ANKS1B: variants seen among roughly 807,000 people sequenced by gnomAD.
The protein encoded by ANKS1B is ankyrin repeat and sterile alpha motif domain-containing protein 1B.
A neutral mutation model predicts 148.3 loss-of-function variants in ANKS1B; 36 were observed. That is an observed-to-expected ratio of 0.24 (90% CI 0.19 to 0.32). The LOEUF is 0.32. Among genes scored for constraint, ANKS1B ranks in the 10% least tolerant of loss-of-function variants. ANKS1B has a pLI of 1.00. For synonymous variants in ANKS1B, 542 were observed against 560.8 expected (o/e 0.97, Z 0.47); for missense variants, 1,157 against 1,542.6 (o/e 0.75, Z 4.19).
intron 25 of ANKS1B, among the ~76,000 whole-genome samples, chr12:98,772,380 C>T (rs936485819): frequency 1.3e-5 from 2 of 152,240 alleles, no homozygotes; most frequent in East Asian, 1.9e-4. Flanking sequence ...ACAGCAAGTA[C>T]GCAGCTGTAT....
intron 14 of ANKS1B, among the ~76,000 whole-genome samples, chr12:99,218,370 C>T (rs922123798): frequency 3.3e-5 from 5 of 152,084 alleles, no homozygotes; most frequent in Admixed American, 6.5e-5. Flanking sequence ...TATCTGATTA[C>T]GAATTCATAG....
chr12:98,872,531 C>A lies in ANKS1B; in HGVS notation c.2779-40395G>T, dbSNP rs138115982. 2.2e-3 allele frequency among the ~76,000 whole-genome samples: 340 copies of A among 152,034 alleles called. 2 individuals are homozygous for A. The highest frequency in any genetic ancestry group is 7.7e-3 in the African/African-American group (318 of 41,456). ...TCCAGTCTGGGTAACAGAGCTAGAA[C>A]CTATCTCAAAAAAATAAAAAAGAGA... On this transcript the variant is annotated intron_variant, in intron 17 of 26. Coordinates refer to ENST00000683438, the MANE Select transcript of ANKS1B (RefSeq NM_001352186.2).
At chr12:98,995,705 A>G (rs1262440379) in intron 17 of ANKS1B, among the ~76,000 whole-genome samples, 1 of 152,214 alleles carries the variant, frequency 6.6e-6, no homozygotes, top group Non-Finnish European at 1.5e-5. Context: ...ATTGGACTTC[A>G]TGGAATGAAA....
intron 1 of ANKS1B, among the ~76,000 whole-genome samples, chr12:99,871,230 C>A (rs974492947): frequency 6.6e-6 from 1 of 152,046 alleles, no homozygotes; most frequent in African/African-American, 2.4e-5. Flanking sequence ...AGGTGTGTGG[C>A]TTCATTTCTG....
chr12:99,721,195 GC>G (rs1163894763), intron 8 of ANKS1B, among the ~76,000 whole-genome samples: 4 of 151,822 alleles, frequency 2.6e-5, no homozygotes, highest in Non-Finnish European at 5.9e-5. Context: ...TTCCCACGCC[GC>G]CCCTAATCCC....
chr12:99,229,754 G>A (rs891415732), intron 14 of ANKS1B, among the ~76,000 whole-genome samples: 6 of 151,722 alleles, frequency 4.0e-5, no homozygotes, highest in South Asian at 4.2e-4. Flanking sequence ...TTCTGTTGCC[G>A]GTATGAGGTC....
intron 17 of ANKS1B, among the ~76,000 whole-genome samples, chr12:99,040,946 A>T (rs909028319): frequency 2.6e-5 from 4 of 152,122 alleles, no homozygotes; most frequent in African/African-American, 9.7e-5. Flanking sequence ...AGTCTCCTCC[A>T]TGACTCCATA....
In ANKS1B at chr12:99,351,328, A is replaced by C. The variant is rs1461047929; in HGVS notation, c.1756+48303T>G. Among the ~76,000 whole-genome samples, 4 of 152,218 alleles carry C rather than the reference A, an allele frequency of 2.6e-5. No individual in the cohort carries two copies. The East Asian group carries it at 7.7e-4, about 29-fold the overall frequency. ...CTAAAAAATGAGCCATTGTAAAGGA[A>C]TATTTTCTTGTAATTTTAAATTAAA... On this transcript the variant is annotated intron_variant, in intron 12 of 26. Coordinates refer to ENST00000683438, the MANE Select transcript of ANKS1B (RefSeq NM_001352186.2).
At chr12:99,464,175 C>A (rs574317862) in intron 10 of ANKS1B, among the ~76,000 whole-genome samples, 1 of 152,304 alleles carries the variant, frequency 6.6e-6, no homozygotes, top group African/African-American at 2.4e-5. Context: ...GATACCCAGG[C>A]AAACAGGGTC....
intron 24 of ANKS1B, among the ~76,000 whole-genome samples, chr12:98,775,050 G>A (rs2098655533): frequency 6.6e-6 from 1 of 152,214 alleles, no homozygotes; most frequent in African/African-American, 2.4e-5. Flanking sequence ...AAGGTGCAAT[G>A]TGAGATGGTG....
intron 12 of ANKS1B, among the ~76,000 whole-genome samples, chr12:99,265,656 T>C (rs950503368): frequency 6.6e-5 from 10 of 152,188 alleles, no homozygotes; most frequent in African/African-American, 1.9e-4. Context: ...GGCAGTGTCC[T>C]CATTCTTCGC....
intron 1 of ANKS1B, among the ~76,000 whole-genome samples, chr12:99,980,073 C>A (rs2095677116): frequency 6.6e-6 from 1 of 150,946 alleles, no homozygotes; most frequent in Non-Finnish European, 1.5e-5. Context: ...TAAAACAAAT[C>A]AGATAAAAAG....
chr12:99,469,118 G>T (rs930752056), intron 10 of ANKS1B, among the ~76,000 whole-genome samples: 23 of 151,990 alleles, frequency 1.5e-4, no homozygotes, highest in African/African-American at 4.8e-4. Flanking sequence ...ACATAAAAAA[G>T]GATGAGTTCA....
chr12:98,928,135 G>T (rs1402817047), intron 17 of ANKS1B, among the ~76,000 whole-genome samples: 1 of 151,326 alleles, frequency 6.6e-6, no homozygotes, highest in Non-Finnish European at 1.5e-5. Context: ...TAAAACAAAA[G>T]ATTATAAGGG....
chr12:99,869,001 G>A (rs898087326), intron 1 of ANKS1B, among the ~76,000 whole-genome samples: 4 of 152,134 alleles, frequency 2.6e-5, no homozygotes, highest in African/African-American at 4.8e-5. Context: ...AGGTTGTAGC[G>A]AGTGGAGATT....
chr12:99,013,542 G>T (rs191550209), intron 17 of ANKS1B, among the ~76,000 whole-genome samples: 2 of 152,132 alleles, frequency 1.3e-5, no homozygotes, highest in Admixed American at 1.3e-4. Context: ...GAAATAAAGC[G>T]CATCCAAACA....
intron 4 of ANKS1B, among the ~76,000 whole-genome samples, chr12:99,793,952 A>G (rs757407662): frequency 6.6e-6 from 1 of 152,116 alleles, no homozygotes; most frequent in Non-Finnish European, 1.5e-5. Context: ...CAGAATATAT[A>G]AGGAACAAAA....
chr12:99,749,562 A>T (rs2060914566), intron 8 of ANKS1B, among the ~76,000 whole-genome samples: 1 of 152,100 alleles, frequency 6.6e-6, no homozygotes, highest in Non-Finnish European at 1.5e-5. Flanking sequence ...AAATCAGAAA[A>T]TAAGATATGG....
intron 8 of ANKS1B, among the ~76,000 whole-genome samples, chr12:99,728,010 A>C (rs1199560193): frequency 6.6e-6 from 1 of 152,112 alleles, no homozygotes; most frequent in Non-Finnish European, 1.5e-5. Context: ...TTAAATGTAA[A>C]ACCCAAAACC....
Sources: allele counts gnomAD v4.1 joint callset (sites outside exome capture counted in the v4.1 genomes callset), GRCh38; gene constraint gnomAD v4.1.1; transcripts MANE v1.5; gene names NCBI Gene and HGNC (gene_info 2026-07-23, HGNC 2026-07-21).